Variants in H2BC5 observed in about 807,000 individuals in gnomAD.
The protein encoded by H2BC5 is H2B clustered histone 5.
In H2BC5, 9 loss-of-function variants were observed where a neutral mutation model predicts 5.7. The observed-to-expected ratio is 1.57, with a 90% confidence interval of 0.95 to 2.74. H2BC5 has a LOEUF of 2.74. Ranked by LOEUF, H2BC5 falls within the 30% of genes most tolerant of loss-of-function variation. The probability of loss-of-function intolerance (pLI) is 0.00; values close to 1 mark genes in which losing one functional copy is unlikely to be tolerated. For missense variants in H2BC5, 175 were observed against 168.8 expected, an observed-to-expected ratio of 1.04 and a Z score of -0.20; for synonymous variants, 133 against 70.9, an observed-to-expected ratio of 1.88 and a Z score of -4.40.
chr6:26,160,837 C>T (rs571788816), downstream of H2BC5: 5 of 150,384 alleles, frequency 3.3e-5, no homozygotes, highest in African/African-American at 1.2e-4. Context: ...CCACTGCACT[C>T]CACCCTGGGC....
chr6:26,158,161 A>G lies in H2BC5; in HGVS notation c.-9A>G, dbSNP rs1440181466. ...TGTTTGCAACAGTGTTCTAACTATT[A>G]ACGCTACGATGCCTGAACCTACCAA... On this transcript the variant is annotated 5_prime_UTR_variant, in exon 1 of 1. Coordinates refer to ENST00000377777, the MANE Select transcript of H2BC5 (RefSeq NM_021063.4). 12 of 1,611,076 alleles carry G rather than the reference A, an allele frequency of 7.4e-6. No homozygotes were observed. The highest frequency in any genetic ancestry group is 9.3e-6 in the Non-Finnish European group (11 of 1,178,952).
chr6:26,158,594 T>G lies in H2BC5; in HGVS notation c.*44T>G. On this transcript the variant is annotated 3_prime_UTR_variant, in exon 1 of 1. Transcript: ENST00000377777. ...TTTACACCTAATCCCAAAGGCTCTT[T>G]TAAGAGCCACGCATGTTTTCAATAA... 2 of 1,598,548 alleles carry G rather than the reference T, an allele frequency of 1.3e-6. No homozygotes were observed. Among genetic ancestry groups the G allele is most frequent in the East Asian group, 4.5e-5 (2 of 44,752 alleles).
intron 1 of H2BC5, among the ~76,000 whole-genome samples, chr6:26,169,809 A>C (rs908865015): frequency 2.0e-5 from 3 of 151,876 alleles, no homozygotes; most frequent in Non-Finnish European, 4.4e-5. Context: ...AAATACAAAA[A>C]TTAGCCAGGC....
downstream of H2BC5, among the ~76,000 whole-genome samples, chr6:26,159,897 C>T (rs1391477530): frequency 6.6e-6 from 1 of 152,274 alleles, no homozygotes; most frequent in African/African-American, 2.4e-5. Context: ...GAGCCAGGGA[C>T]TTGGCCCATG....
chr6:26,166,692 C>CTTTT (rs139697089), intron 1 of H2BC5, among the ~76,000 whole-genome samples: 11 of 90,156 alleles, frequency 1.2e-4, no homozygotes, highest in East Asian at 3.1e-4. Flanking sequence ...ATACTTTTGG[C>CTTTT]TTTTTTTTTT....
downstream of H2BC5, among the ~76,000 whole-genome samples, chr6:26,161,704 C>G (rs940768978): frequency 8.6e-5 from 13 of 152,046 alleles, no homozygotes; most frequent in Non-Finnish European, 1.8e-4. Flanking sequence ...CTAGGGAAAT[C>G]AAGGCTGCAG....
intron 1 of H2BC5, among the ~76,000 whole-genome samples, chr6:26,164,951 C>G (rs764778216): frequency 3.3e-5 from 5 of 152,120 alleles, no homozygotes; most frequent in Non-Finnish European, 7.4e-5. Context: ...ATTCTAGCCT[C>G]TCCTCACTCC....
rs1160997583 is a variant in H2BC5 at position 26,158,356 on chromosome 6, A to C, written c.187A>C (p.Met63Leu). ...CATCTCTTCCAAGGCAATGGGGATC[A>C]TGAATTCCTTCGTCAACGACATCTT... ...TGISSKAMGI[M>L]NSFVNDIFER... Residue 63 changes from methionine to leucine, a missense_variant, in exon 1 of 1, where the codon ATG becomes CTG. Met to Leu is a conservative substitution (Grantham distance 15, BLOSUM62 2). Coordinates refer to ENST00000377777, the MANE Select transcript of H2BC5 (RefSeq NM_021063.4). 6.2e-7 allele frequency: 1 copy of C among 1,614,292 alleles called. No individual in the cohort carries two copies. Among genetic ancestry groups the C allele is most frequent in the Admixed American group, 1.7e-5 (1 of 60,036 alleles).
chr6:26,162,683 C>G (rs1764369848), downstream of H2BC5, among the ~76,000 whole-genome samples: 4 of 152,040 alleles, frequency 2.6e-5, no homozygotes, highest in Admixed American at 2.6e-4. Context: ...ATTACAGGCG[C>G]ACACCACCGC....
rs147370243 is a variant in H2BC5, at chr6:26,158,463, C to T, written c.294C>T (p.Ala98=). ...TCACCTCCAGGGAGATCCAGACGGC[C>T]GTGCGCCTGCTGCTTCCGGGGGAGC... ...STITSREIQT[A]VRLLLPGELA... is the part of the protein sequence containing the mutation. The change falls in exon 1 of 1, where the codon GCC becomes GCT. Residue 98 remains alanine (A), a synonymous_variant. Transcript: ENST00000377777. 2.0e-4 allele frequency: 318 copies of T among 1,614,248 alleles called. 1 individual carries two copies. In the African/African-American group the frequency reaches 3.5e-3, roughly 18 times the overall value.
At position 26,167,049 on chromosome 6, in the gene H2BC5, CTTTTTTTTT is replaced by C. The variant is rs149341201; in HGVS notation, c.*10-3912_*10-3904del. On this transcript the variant is annotated intron_variant, in intron 1 of 1. Coordinates refer to the H2BC5 transcript ENST00000289316. ...CTTTTCTTTCTTTTTTTTGTTTTCT[CTTTTTTTTT>C]TTTTTTTTTTTTTGTAAAATGATAG... 5.9e-4 allele frequency among the ~76,000 whole-genome samples: 57 copies of C among 97,034 alleles called. 1 individual carries two copies. The South Asian group carries it at 0.016, about 27-fold the overall frequency. 63.7% of individuals were successfully genotyped at this position (97,034 alleles called of 152,430 possible). A position where few individuals can be genotyped will look rare whatever the true frequency, so the allele number is the denominator to read the frequency against.
rs929364101 is a variant in H2BC5, at chr6:26,164,346, T to C, written c.*9+5787T>C. 3.1e-4 allele frequency: 77 copies of C among 251,096 alleles called. 1 individual carries two copies. Among genetic ancestry groups the C allele is most frequent in the Non-Finnish European group, 6.4e-4 (74 of 115,600 alleles). The allele number at this position is 251,096 out of a possible 1,614,324, so 15.6% of individuals were successfully genotyped here. A position where few individuals can be genotyped will look rare whatever the true frequency, so the allele number is the denominator to read the frequency against. On this transcript the variant is annotated intron_variant, in intron 1 of 1. Coordinates refer to the H2BC5 transcript ENST00000289316. ...CAGATTTGGGAAAGTGAAAAACCAT[T>C]TAGCCCTGGGGCTTGAGGCAGGGAA...
chr6:26,159,251 T>TG (rs1561968510), downstream of H2BC5, among the ~76,000 whole-genome samples: 293 of 138,550 alleles, frequency 2.1e-3, 5 homozygotes, highest in East Asian at 0.016. Flanking sequence ...AGGTTTTTTT[T>TG]TTTTTTTTTT....
intron 1 of H2BC5, among the ~76,000 whole-genome samples, chr6:26,170,390 A>G (rs2113839637): frequency 6.6e-6 from 1 of 152,326 alleles, no homozygotes; most frequent in South Asian, 2.1e-4. Context: ...GCAGCATGAC[A>G]TAATTTCTGA....
downstream of H2BC5, among the ~76,000 whole-genome samples, chr6:26,161,636 G>T (rs1295602561): frequency 6.6e-6 from 1 of 152,118 alleles, no homozygotes; most frequent in African/African-American, 2.4e-5. Flanking sequence ...GCCAGGCATG[G>T]TGGTGCGTGC....
Position 26,158,208 on chromosome 6 carries a change from G to A in H2BC5, c.39G>A (p.Lys13=), listed in dbSNP as rs568936694. The A allele has an allele frequency of 1.6e-5, 26 of 1,614,164 alleles. No homozygotes were observed. Among genetic ancestry groups the A allele is most frequent in the Admixed American group, 1.3e-4 (8 of 60,026 alleles). The part of the protein sequence containing the change: ...EPTKSAPAPK[K]GSKKAVTKAQ... Reference sequence around the variant, plus strand: ...CCAAGTCTGCTCCTGCCCCAAAGAAGGGCTCCAAGAAGGCGGTGACTAAGG... The same window carrying A: ...CCAAGTCTGCTCCTGCCCCAAAGAAAGGCTCCAAGAAGGCGGTGACTAAGG... The change falls in exon 1 of 1, where the codon AAG becomes AAA. Residue 13 remains lysine, a synonymous_variant. Transcript: ENST00000377777.
At chr6:26,168,913 G>A (rs1467667475) in intron 1 of H2BC5, among the ~76,000 whole-genome samples, 3 of 152,216 alleles carry the variant, frequency 2.0e-5, no homozygotes, top group Non-Finnish European at 4.4e-5. Flanking sequence ...GTGCATGATT[G>A]TTGTTAGAAT....
In H2BC5 at chr6:26,158,555, G is replaced by A; in HGVS notation, c.*5G>A. On this transcript the variant is annotated 3_prime_UTR_variant, in exon 1 of 1. Transcript: ENST00000377777. ...AAGTACACCAGTTCCAAGTAACTTTGCCAAGTAAGCATCTTTACACCTAAT... is the reference window on the plus strand; with the variant it reads ...AAGTACACCAGTTCCAAGTAACTTTACCAAGTAAGCATCTTTACACCTAAT... 3 of 1,614,042 alleles carry A rather than the reference G, an allele frequency of 1.9e-6. No individual in the cohort carries two copies. The highest frequency in any genetic ancestry group is 2.5e-6 in the Non-Finnish European group (3 of 1,179,964).
intron 1 of H2BC5, among the ~76,000 whole-genome samples, chr6:26,169,282 C>T (rs1012960008): frequency 5.9e-5 from 9 of 152,102 alleles, no homozygotes; most frequent in Non-Finnish European, 1.2e-4. Context: ...CTGGCTTGGG[C>T]GCTGCATATA....
Sources: allele counts gnomAD v4.1 joint callset (sites outside exome capture counted in the v4.1 genomes callset), GRCh38; gene constraint gnomAD v4.1.1; transcripts MANE v1.5; gene names NCBI Gene and HGNC (gene_info 2026-07-23, HGNC 2026-07-21).